The following CRTAM variants were observed in gnomAD, a reference collection of about 807,000 sequenced individuals.
CRTAM encodes cytotoxic and regulatory T cell molecule.
Under a neutral mutation model 50.0 loss-of-function variants are expected in CRTAM, and 44 were observed. That is an observed-to-expected ratio of 0.88 (90% CI 0.69 to 1.13). The LOEUF is 1.13. Ranked by LOEUF, CRTAM falls within the 50% of genes most tolerant of loss-of-function variation. CRTAM has a pLI of 0.00. For synonymous variants in CRTAM, 159 were observed against 169.3 expected, an observed-to-expected ratio of 0.94 and a Z score of 0.47; for missense variants, 448 against 457.5, an observed-to-expected ratio of 0.98 and a Z score of 0.19.
Position 122,851,776 on chromosome 11 carries a change from G to A in CRTAM, c.277G>A (p.Glu93Lys). Residue 93 changes from glutamate (E) to lysine (K), a missense_variant, in exon 3 of 10, where the codon GAA becomes AAA. Coordinates refer to ENST00000227348, the MANE Select transcript of CRTAM (RefSeq NM_019604.4). ...TGTGCCTAACGTAACCCTGCAAGAT[G>A]AAGGCGTGTACAAGTGCTTACATTA... The part of the protein sequence containing the change: ...ITVPNVTLQD[E>K]GVYKCLHYSD... The A allele has an allele frequency of 6.2e-7, 1 of 1,614,144 alleles. No homozygotes were observed. Among genetic ancestry groups the A allele is most frequent in the Non-Finnish European group, 8.5e-7 (1 of 1,179,992 alleles).
At chr11:122,862,041 T>G (rs2135248397) in intron 5 of CRTAM, among the ~76,000 whole-genome samples, 1 of 152,252 alleles carries the variant, frequency 6.6e-6, no homozygotes, top group Admixed American at 6.5e-5. Flanking sequence ...CTAGGTCGGG[T>G]ATCTTGTCCA....
chr11:122,845,012 G>T (rs190601194), intron 1 of CRTAM, among the ~76,000 whole-genome samples: 2 of 152,316 alleles, frequency 1.3e-5, no homozygotes, highest in Admixed American at 1.3e-4. Flanking sequence ...TCATCAGAAA[G>T]GTGATGAGGC....
chr11:122,849,936 T>G, intron 1 of CRTAM, 132 bp from the exon 2 acceptor site: 2 of 785,174 alleles, frequency 2.5e-6, no homozygotes, highest in Non-Finnish European at 3.7e-6. Context: ...CCCCTCCCAT[T>G]TTGTTTGTAT....
intron 1 of CRTAM, among the ~76,000 whole-genome samples, chr11:122,846,466 C>G (rs1183953408): frequency 6.6e-6 from 1 of 151,994 alleles, no homozygotes; most frequent in Non-Finnish European, 1.5e-5. Context: ...CACCACCACG[C>G]CAGGCTAATT....
intron 1 of CRTAM, among the ~76,000 whole-genome samples, chr11:122,839,587 G>A (rs566865048): frequency 5.3e-5 from 8 of 152,136 alleles, no homozygotes; most frequent in Non-Finnish European, 1.5e-5. Flanking sequence ...CCTTTTTGGA[G>A]CAGGTCAAAT....
Position 122,868,031 on chromosome 11 carries a change from A to G in CRTAM, c.983A>G (p.His328Arg). Reference sequence around the variant, plus strand: ...TTTGTAGAAAACGAAGTTTCAGAACACACACTAGAAAGTTACAGATCAAGG... The same window carrying G: ...TTTGTAGAAAACGAAGTTTCAGAACGCACACTAGAAAGTTACAGATCAAGG... ...IWKKENEVSE[H>R]TLESYRSRSN... The change falls in exon 9 of 10, where the codon CAC (histidine) becomes CGC (arginine). Residue 328 changes from histidine (H) to arginine (R), a missense_variant. His to Arg is a conservative substitution (Grantham distance 29, BLOSUM62 0). Coordinates refer to ENST00000227348, the MANE Select transcript of CRTAM (RefSeq NM_019604.4). 6.2e-7 allele frequency: 1 copy of G among 1,611,814 alleles called. No individual in the cohort carries two copies. Among genetic ancestry groups the G allele is most frequent in the Non-Finnish European group, 8.5e-7 (1 of 1,178,606 alleles).
At chr11:122,863,355 G>GAAAGAA (rs1565292804) in intron 6 of CRTAM, among the ~76,000 whole-genome samples, 6 of 48,932 alleles carry the variant, frequency 1.2e-4, no homozygotes, top group African/African-American at 1.7e-4. Context: ...GAAAGAAAAA[G>GAAAGAA]AAAGAAAGAA....
At chr11:122,839,578 C>G (rs965180449) in intron 1 of CRTAM, among the ~76,000 whole-genome samples, 4 of 152,084 alleles carry the variant, frequency 2.6e-5, no homozygotes, top group African/African-American at 9.7e-5. Context: ...AAGCAGTTAC[C>G]TTTTTGGAGC....
chr11:122,850,362 A>C, intron 2 of CRTAM, 148 bp downstream of exon 2: 1 of 711,122 alleles, frequency 1.4e-6, no homozygotes. Flanking sequence ...CACGCCTCCA[A>C]ATCCTGTTAT....
intron 6 of CRTAM, among the ~76,000 whole-genome samples, chr11:122,864,330 T>G (rs1156397124): frequency 3.3e-5 from 5 of 152,206 alleles, no homozygotes; most frequent in African/African-American, 4.8e-5. Context: ...CTTTAGGTAC[T>G]TTACATAACT....
intron 9 of CRTAM, 107 bp downstream of exon 9, chr11:122,868,206 G>C: frequency 1.7e-6 from 1 of 594,066 alleles, no homozygotes; most frequent in Non-Finnish European, 3.0e-6. Context: ...GTGTGTGTGT[G>C]TGTGTGTGTG....
chr11:122,847,693 T>C (rs1198604218), intron 1 of CRTAM, among the ~76,000 whole-genome samples: 1 of 152,192 alleles, frequency 6.6e-6, no homozygotes, highest in Non-Finnish European at 1.5e-5. Flanking sequence ...TGATGACACA[T>C]AAGTCCCCTG....
chr11:122,865,410 C>T (rs28455114), intron 7 of CRTAM, among the ~76,000 whole-genome samples: 947 of 61,276 alleles, frequency 0.015, 8 homozygotes, highest in Middle Eastern at 0.056. Context: ...AGATTTCTCT[C>T]TTTTTTTTTT....
chr11:122,841,437 G>A (rs1001171611), intron 1 of CRTAM, among the ~76,000 whole-genome samples: 4 of 143,210 alleles, frequency 2.8e-5, no homozygotes, highest in Non-Finnish European at 6.0e-5. Context: ...GTCTTGCTCC[G>A]TCGCCCAGGC....
rs781308629 is a variant in CRTAM, at chr11:122,850,165, C to T, written c.144C>T (p.Leu48=). 1.2e-6 allele frequency: 2 copies of T among 1,613,614 alleles called. No homozygotes were observed. The highest frequency in any genetic ancestry group is 1.7e-6 in the Non-Finnish European group (2 of 1,179,624). ...CVTSLRKNSS[L]QWLTPSGFTI... ...CTTCTCTGAGGAAGAACTCCTCCCT[C>T]CAGTGGCTGACCCCCTCAGGGTTCA... Residue 48 remains leucine, a synonymous_variant, in exon 2 of 10, where the codon CTC becomes CTT. Transcript: ENST00000227348.
At chr11:122,847,133 G>A (rs1861874117) in intron 1 of CRTAM, among the ~76,000 whole-genome samples, 2 of 152,170 alleles carry the variant, frequency 1.3e-5, no homozygotes, top group Admixed American at 1.3e-4. Flanking sequence ...GACTCTATGA[G>A]ATGAATACTA....
intron 1 of CRTAM, among the ~76,000 whole-genome samples, chr11:122,839,530 G>A (rs1861774426): frequency 1.3e-5 from 2 of 152,140 alleles, no homozygotes; most frequent in Admixed American, 1.3e-4. Flanking sequence ...GGATTTTAGT[G>A]CTTAATCCTA....
At chr11:122,859,407 G>A (rs192205348) in intron 5 of CRTAM, among the ~76,000 whole-genome samples, 8 of 145,356 alleles carry the variant, frequency 5.5e-5, no homozygotes, top group African/African-American at 1.5e-4. Context: ...CACCGCATCC[G>A]GCCCAGAAAT....
At chr11:122,868,595 TCTC>T (rs1371739462) in intron 9 of CRTAM, among the ~76,000 whole-genome samples, 1 of 152,060 alleles carries the variant, frequency 6.6e-6, no homozygotes, top group Non-Finnish European at 1.5e-5. Context: ...CACACACTAA[TCTC>T]CTCTAGAAAC....
Sources: gnomAD v4.1 joint callset for allele counts (sites outside exome capture counted in the v4.1 genomes callset) on GRCh38, gnomAD v4.1.1 for gene constraint, MANE v1.5 for transcripts, NCBI Gene and HGNC (gene_info 2026-07-23, HGNC 2026-07-21) for gene names.